RAPGEF2: variants seen among roughly 807,000 people sequenced by gnomAD.
RAPGEF2 encodes Rap guanine nucleotide exchange factor 2.
Under a neutral mutation model 186.7 loss-of-function variants are expected in RAPGEF2, and 54 were observed. That is an observed-to-expected ratio of 0.29 (90% CI 0.23 to 0.36). The LOEUF (loss-of-function observed/expected upper bound fraction) is 0.36, where lower values mean the gene tolerates loss of function less well. Among genes scored for constraint, RAPGEF2 ranks in the 10% least tolerant of loss-of-function variants. The probability of loss-of-function intolerance (pLI) is 1.00; values close to 1 mark genes in which losing one functional copy is unlikely to be tolerated. For missense variants in RAPGEF2, 1,532 were observed against 2,045.0 expected (o/e 0.75, Z 4.84); for synonymous variants, 712 against 705.9 (o/e 1.01, Z -0.14).
At chr4:159,204,185 A>T (rs1749734624) in intron 3 of RAPGEF2, among the ~76,000 whole-genome samples, 1 of 152,268 alleles carries the variant, frequency 6.6e-6, no homozygotes, top group Admixed American at 6.5e-5. Context: ...GATGCTCAGG[A>T]ATAAGAAATC....
At chr4:159,219,237 A>G in intron 4 of RAPGEF2, among the ~76,000 whole-genome samples, 1 of 152,066 alleles carries the variant, frequency 6.6e-6, no homozygotes, top group South Asian at 2.1e-4. Context: ...TGAAGTAATT[A>G]TTAAGTTAAG....
Position 159,175,951 on chromosome 4 carries a change from A to G in RAPGEF2, c.70-10691A>G, listed in dbSNP as rs903773769. ...TGAGAAAGAGATGTAAGAGAAGACG[A>G]GTGTCTTTGTTCAAGGTGCTTCTCT... is the stretch of plus-strand genomic sequence containing the variant. On this transcript the variant is annotated intron_variant, in intron 1 of 29. Coordinates refer to ENST00000691494, the MANE Select transcript of RAPGEF2 (RefSeq NM_001394067.2). Among the ~76,000 whole-genome samples, 3 of 152,184 alleles carry G rather than the reference A, an allele frequency of 2.0e-5. No individual in the cohort carries two copies. The East Asian group carries it at 5.8e-4, about 29-fold the overall frequency.
chr4:159,349,926 T>C (rs1172550771), intron 25 of RAPGEF2, among the ~76,000 whole-genome samples: 1 of 152,200 alleles, frequency 6.6e-6, no homozygotes, highest in Non-Finnish European at 1.5e-5. Context: ...GTGGCAGATA[T>C]CAGTCTGAAA....
At chr4:159,122,478 CAA>C (rs915350505) in intron 1 of RAPGEF2, among the ~76,000 whole-genome samples, 1 of 130,862 alleles carries the variant, frequency 7.6e-6, no homozygotes. Context: ...GACTTTGTCT[CAA>C]AAAAAAAAAA....
At chr4:159,252,860 T>TA (rs1755632073) in intron 7 of RAPGEF2, among the ~76,000 whole-genome samples, 1 of 152,172 alleles carries the variant, frequency 6.6e-6, no homozygotes, top group Non-Finnish European at 1.5e-5. Flanking sequence ...TTTACCATAT[T>TA]AAAAATTGAA....
At chr4:159,347,046 G>T (rs1561327092) in intron 25 of RAPGEF2, 48 bp downstream of exon 25, 1 of 1,520,494 alleles carries the variant, frequency 6.6e-7, no homozygotes, top group Admixed American at 1.9e-5. Flanking sequence ...CACTGTCATG[G>T]TTTGCAAATT....
intron 7 of RAPGEF2, among the ~76,000 whole-genome samples, chr4:159,292,118 C>T (rs1168813272): frequency 2.0e-5 from 3 of 152,082 alleles, no homozygotes; most frequent in Admixed American, 6.5e-5. Flanking sequence ...ATTATTGACT[C>T]GTACATTTTG....
At chr4:159,143,655 G>C (rs1742594211) in intron 1 of RAPGEF2, among the ~76,000 whole-genome samples, 1 of 152,064 alleles carries the variant, frequency 6.6e-6, no homozygotes, top group Admixed American at 6.5e-5. Context: ...AAGGCTCTGG[G>C]TAAGAGCTGG....
Position 159,358,367 on chromosome 4 carries a change from A to G in RAPGEF2, c.*228A>G, listed in dbSNP as rs1732347100. ...CACTTTTCAGACTTTGTTGCTTGAA[A>G]TGCACAGTGCAGCAATCTTCGAGCT... On this transcript the variant is annotated 3_prime_UTR_variant, in exon 30 of 30. Transcript: ENST00000691494. 6 of 534,152 alleles carry G rather than the reference A, an allele frequency of 1.1e-5. No homozygotes were observed. The Admixed American group carries it at 2.2e-4, about 19-fold the overall frequency. 33.1% of individuals were successfully genotyped at this position (534,152 alleles called of 1,614,324 possible).
At chr4:159,267,410 G>C in intron 7 of RAPGEF2, 3 of 1,015,774 alleles carry the variant, frequency 3.0e-6, no homozygotes, top group Non-Finnish European at 4.0e-6. Flanking sequence ...TGGCTCTCTT[G>C]CTAGCAGGCA....
At position 159,234,586 on chromosome 4, in the gene RAPGEF2, C is replaced by A. The variant is rs998477259; in HGVS notation, c.282-4223C>A. Among the ~76,000 whole-genome samples the A allele has an allele frequency of 1.1e-4, 16 of 140,284 alleles. No individual in the cohort carries two copies. The South Asian group carries it at 3.7e-3, about 32-fold the overall frequency. 92.0% of individuals were successfully genotyped at this position (140,284 alleles called of 152,430 possible). ...TTTTTTTTTTTTTGAGACAGAGTCT[C>A]GCTCTGTCGCCCAGGCTGGAATGCA... is the stretch of plus-strand genomic sequence containing the variant. On this transcript the variant is annotated intron_variant, in intron 4 of 29. Coordinates refer to ENST00000691494, the MANE Select transcript of RAPGEF2 (RefSeq NM_001394067.2).
At chr4:159,317,386 G>C (rs1764728743) in intron 9 of RAPGEF2, among the ~76,000 whole-genome samples, 2 of 152,156 alleles carry the variant, frequency 1.3e-5, no homozygotes, top group Admixed American at 1.3e-4. Context: ...TTGTTCTGTT[G>C]CAGTCTATTA....
At chr4:159,338,564 G>C in intron 18 of RAPGEF2, 96 bp downstream of exon 18, 1 of 1,205,698 alleles carries the variant, frequency 8.3e-7, no homozygotes, top group East Asian at 2.4e-5. Context: ...ATTTGGCATG[G>C]ATTATATCAG....
At chr4:159,309,397 CTT>C (rs1015939033) in intron 8 of RAPGEF2, among the ~76,000 whole-genome samples, 5 of 152,160 alleles carry the variant, frequency 3.3e-5, no homozygotes, top group African/African-American at 9.6e-5. Context: ...ACTTGTCTCT[CTT>C]GTCTCTATTT....
At chr4:159,218,008 G>A (rs187938989) in intron 4 of RAPGEF2, among the ~76,000 whole-genome samples, 138 of 152,260 alleles carry the variant, frequency 9.1e-4, no homozygotes, top group African/African-American at 3.0e-3. Flanking sequence ...TTAGAAAATC[G>A]TATTCTTGAA....
rs1561074195 is a variant in RAPGEF2, at chr4:159,198,253, T to C, written c.197+4997T>C. On this transcript the variant is annotated intron_variant, in intron 3 of 29. Coordinates refer to ENST00000691494, the MANE Select transcript of RAPGEF2 (RefSeq NM_001394067.2). ...TTTCTTTTCTTTCTTTCTTCCTTTCTTTCTTTCTCTTTCTTTCCTTCTTTC... is the reference window on the plus strand; with the variant it reads ...TTTCTTTTCTTTCTTTCTTCCTTTCCTTCTTTCTCTTTCTTTCCTTCTTTC... Among the ~76,000 whole-genome samples, 343 of 112,108 alleles carry C rather than the reference T, an allele frequency of 3.1e-3. 2 individuals are homozygous for C. Among genetic ancestry groups the C allele is most frequent in the African/African-American group, 0.012 (288 of 25,014 alleles). The allele number at this position is 112,108 out of a possible 152,430, so 73.5% of individuals were successfully genotyped here. A position where few individuals can be genotyped will look rare whatever the true frequency, so the allele number is the denominator to read the frequency against.
chr4:159,217,909 T>A (rs745730783), intron 4 of RAPGEF2, among the ~76,000 whole-genome samples: 5 of 152,204 alleles, frequency 3.3e-5, no homozygotes, highest in African/African-American at 7.2e-5. Context: ...TAATTATTGA[T>A]GTTGAGCATT....
intron 1 of RAPGEF2, among the ~76,000 whole-genome samples, chr4:159,182,990 C>G (rs574518457): frequency 6.6e-6 from 1 of 152,122 alleles, no homozygotes; most frequent in Non-Finnish European, 1.5e-5. Flanking sequence ...GATGGCAATA[C>G]TACTCGGATT....
intron 7 of RAPGEF2, among the ~76,000 whole-genome samples, chr4:159,273,998 G>T (rs1243376455): frequency 6.6e-6 from 1 of 151,930 alleles, no homozygotes; most frequent in African/African-American, 2.4e-5. Flanking sequence ...CGCCATGTTG[G>T]CCTGGCCGGT....
Sources: allele counts gnomAD v4.1 joint callset (sites outside exome capture counted in the v4.1 genomes callset), GRCh38; gene constraint gnomAD v4.1.1; transcripts MANE v1.5; gene names NCBI Gene and HGNC (gene_info 2026-07-23, HGNC 2026-07-21).